The following CCSER2 variants were observed in gnomAD, a reference collection of about 807,000 sequenced individuals.
CCSER2 encodes the protein serine-rich coiled-coil domain-containing protein 2.
Under a neutral mutation model 92.3 loss-of-function variants are expected in CCSER2, and 46 were observed. That is an observed-to-expected ratio of 0.50 (90% confidence interval 0.39 to 0.64). CCSER2 has a LOEUF of 0.64. CCSER2 is among the 30% of genes least tolerant of loss of function. CCSER2 has a pLI of 0.00. For missense variants in CCSER2, 1,244 were observed against 1,238.9 expected (o/e 1.00, Z -0.06); for synonymous variants, 433 against 431.4 (o/e 1.00, Z -0.04).
Position 84,476,519 on chromosome 10 carries a change from A to G in CCSER2, c.2236-1056A>G, listed in dbSNP as rs1163891444. ...GAGTGCAGTGGTGCAATCTGTGCTCACTGCAAGCTCTGCTTCCGGGTTCAT... is the reference window on the plus strand; with the variant it reads ...GAGTGCAGTGGTGCAATCTGTGCTCGCTGCAAGCTCTGCTTCCGGGTTCAT... On this transcript the variant is annotated intron_variant, in intron 8 of 9. Coordinates refer to ENST00000372088, the MANE Select transcript of CCSER2 (RefSeq NM_001284240.2). Among the ~76,000 whole-genome samples, 5 of 128,736 alleles carry G rather than the reference A, an allele frequency of 3.9e-5. No individual in the cohort carries two copies. In the South Asian group the frequency reaches 1.2e-3, roughly 30 times the overall value. 84.5% of individuals were successfully genotyped at this position (128,736 alleles called of 152,430 possible). A position where few individuals can be genotyped will look rare whatever the true frequency, so the allele number is the denominator to read the frequency against.
intron 1 of CCSER2, among the ~76,000 whole-genome samples, chr10:84,351,657 A>G (rs1844866018): frequency 6.6e-6 from 1 of 152,350 alleles, no homozygotes; most frequent in South Asian, 2.1e-4. Flanking sequence ...GGCATGAGCC[A>G]CCATGCCTGG....
At chr10:84,421,005 A>G (rs553479315) in intron 4 of CCSER2, among the ~76,000 whole-genome samples, 155 of 151,468 alleles carry the variant, frequency 1.0e-3, no homozygotes, top group African/African-American at 3.6e-3. Context: ...TCCCAGTATC[A>G]GTGGAGTTTT....
chr10:84,441,848 C>T (rs1235044971), intron 6 of CCSER2, among the ~76,000 whole-genome samples: 2 of 143,190 alleles, frequency 1.4e-5, no homozygotes, highest in African/African-American at 2.6e-5. Flanking sequence ...ACTCCACCTC[C>T]TGGGTTCACG....
At chr10:84,360,402 C>T (rs2133112848) in intron 1 of CCSER2, among the ~76,000 whole-genome samples, 1 of 152,298 alleles carries the variant, frequency 6.6e-6, no homozygotes, top group East Asian at 1.9e-4. Context: ...GAGCAGGATA[C>T]ATGCTTATTT....
chr10:84,431,647 T>G (rs146999658), intron 5 of CCSER2, among the ~76,000 whole-genome samples: 14,336 of 151,660 alleles, frequency 0.095, 779 homozygotes, highest in Non-Finnish European at 0.12. Flanking sequence ...GAGGCTGAGG[T>G]GGGGGGATCA....
In CCSER2 at chr10:84,513,541, T is replaced by C; in HGVS notation, c.2418T>C (p.Ser806=). ...AGCCACAACGTATCGAGGCCCGCAG[T>C]GAATGCTCAATCCAAGACATGCATC... ...LIKPQRIEAR[S]ECSIQDMHQG... Residue 806 remains serine, a synonymous_variant, in exon 10 of 10, where the codon AGT becomes AGC. Transcript: ENST00000372088. 1.2e-6 allele frequency: 2 copies of C among 1,614,086 alleles called. No homozygotes were observed. Among genetic ancestry groups the C allele is most frequent in the Non-Finnish European group, 1.7e-6 (2 of 1,180,020 alleles).
intron 3 of CCSER2, among the ~76,000 whole-genome samples, chr10:84,378,807 AAG>A (rs1846485526): frequency 6.6e-6 from 1 of 152,172 alleles, no homozygotes; most frequent in African/African-American, 2.4e-5. Flanking sequence ...TCCTGGGCTG[AAG>A]TAATCCTCCT....
intron 6 of CCSER2, among the ~76,000 whole-genome samples, chr10:84,439,124 T>C (rs955368378): frequency 6.6e-6 from 1 of 151,750 alleles, no homozygotes; most frequent in African/African-American, 2.4e-5. Flanking sequence ...TTGCTTTACA[T>C]AATGATAGTC....
At chr10:84,407,182 C>T (rs764441803) in intron 3 of CCSER2, among the ~76,000 whole-genome samples, 1 of 152,158 alleles carries the variant, frequency 6.6e-6, no homozygotes, top group African/African-American at 2.4e-5. Context: ...TTTGTCTTCT[C>T]AAAGATGCAG....
intron 4 of CCSER2, among the ~76,000 whole-genome samples, chr10:84,418,185 T>C (rs567223655): frequency 6.6e-6 from 1 of 152,336 alleles, no homozygotes; most frequent in South Asian, 2.1e-4. Context: ...AAGAAATGTA[T>C]TTACAGAAAC....
rs1843379367 is a variant in CCSER2 at position 84,328,590 on chromosome 10, G to A, written c.-258G>A. On this transcript the variant is annotated 5_prime_UTR_variant, in exon 1 of 10. Transcript: ENST00000372088. ...CGCGGTGCGCCGGCCCTGGAGGGCG[G>A]AGTCCGGGCGGGCGCCGGCCGAGGG... 6.6e-6 allele frequency: 1 copy of A among 150,676 alleles called. No homozygotes were observed. The highest frequency in any genetic ancestry group is 1.5e-5 in the Non-Finnish European group (1 of 67,540). 9.3% of individuals were successfully genotyped at this position (150,676 alleles called of 1,614,324 possible).
chr10:84,431,989 C>T (rs984077222), intron 5 of CCSER2, among the ~76,000 whole-genome samples: 1 of 152,162 alleles, frequency 6.6e-6, no homozygotes, highest in African/African-American at 2.4e-5. Flanking sequence ...AAACTGTCTT[C>T]CAAAGTTGCT....
rs577245231 is a variant in CCSER2, at chr10:84,463,579, G to A, written c.2065-354G>A. ...GTACTCAAAACATGTCTAAACCAAA[G>A]CAGATTCAGTTGACCTTTGTTTTAC... is the stretch of plus-strand genomic sequence containing the variant. On this transcript the variant is annotated intron_variant, in intron 6 of 9. Coordinates refer to ENST00000372088, the MANE Select transcript of CCSER2 (RefSeq NM_001284240.2). Among the ~76,000 whole-genome samples, 142 of 152,262 alleles carry A rather than the reference G, an allele frequency of 9.3e-4. 1 individual carries two copies. Among genetic ancestry groups the A allele is most frequent in the Middle Eastern group, 3.4e-3 (1 of 294 alleles).
chr10:84,388,424 CA>C (rs1357301850), intron 3 of CCSER2, among the ~76,000 whole-genome samples: 1 of 152,152 alleles, frequency 6.6e-6, no homozygotes, highest in East Asian at 1.9e-4. Context: ...TTATTTTCCA[CA>C]TTCATTCATA....
intron 9 of CCSER2, among the ~76,000 whole-genome samples, chr10:84,495,378 C>T (rs1470389937): frequency 6.6e-6 from 1 of 152,130 alleles, no homozygotes; most frequent in African/African-American, 2.4e-5. Flanking sequence ...GTGGCCCAAA[C>T]TATGGTCTGT....
intron 3 of CCSER2, among the ~76,000 whole-genome samples, chr10:84,402,242 C>A (rs896727794): frequency 2.0e-5 from 3 of 152,088 alleles, no homozygotes; most frequent in Non-Finnish European, 1.5e-5. Context: ...AAGTGAATAC[C>A]GTATGAGCAC....
In CCSER2 at chr10:84,328,757, A is replaced by T. The variant is rs1174488136; in HGVS notation, c.-91A>T. The T allele has an allele frequency of 1.3e-5, 2 of 151,024 alleles. No homozygotes were observed. The highest frequency in any genetic ancestry group is 3.9e-4 in the East Asian group (2 of 5,122). 9.4% of individuals were successfully genotyped at this position (151,024 alleles called of 1,614,324 possible). ...TTCCGTCCTCGGGCCCGCAGGTCGC[A>T]GGGCGGCCTGCAGCTGGGCCGCGGC... is the stretch of plus-strand genomic sequence containing the variant. On this transcript the variant is annotated 5_prime_UTR_variant, in exon 1 of 10. Coordinates refer to ENST00000372088, the MANE Select transcript of CCSER2 (RefSeq NM_001284240.2).
intron 6 of CCSER2, among the ~76,000 whole-genome samples, chr10:84,441,913 C>T (rs1014315435): frequency 6.6e-6 from 1 of 151,734 alleles, no homozygotes; most frequent in Non-Finnish European, 1.5e-5. Flanking sequence ...CCCACCACCA[C>T]GCCCGGCTAA....
intron 9 of CCSER2, among the ~76,000 whole-genome samples, chr10:84,486,135 G>A (rs1847795117): frequency 6.6e-6 from 1 of 152,210 alleles, no homozygotes; most frequent in South Asian, 2.1e-4. Flanking sequence ...TCTTAATCCA[G>A]TCTATCATTG....
Sources: gnomAD v4.1 joint callset for allele counts (sites outside exome capture counted in the v4.1 genomes callset) on GRCh38, gnomAD v4.1.1 for gene constraint, MANE v1.5 for transcripts, NCBI Gene and HGNC (gene_info 2026-07-23, HGNC 2026-07-21) for gene names.